Variants in CYTH3 observed in about 807,000 individuals in gnomAD.
CYTH3 encodes the protein cytohesin 3, also known as cytohesin-3.
A neutral mutation model predicts 55.1 loss-of-function variants in CYTH3; 23 were observed. The ratio of observed to expected loss-of-function variants is 0.42; its 90% CI spans 0.30 to 0.59. CYTH3 has a LOEUF of 0.59. Ranked by LOEUF, CYTH3 falls within the 20% of genes least tolerant of loss-of-function variation. The probability of loss-of-function intolerance (pLI) is 0.20; values close to 1 mark genes in which losing one functional copy is unlikely to be tolerated. For missense variants in CYTH3, 413 were observed against 524.8 expected, an observed-to-expected ratio of 0.79 and a Z score of 2.08; for synonymous variants, 249 against 194.9, an observed-to-expected ratio of 1.28 and a Z score of -2.31.
intron 1 of CYTH3, among the ~76,000 whole-genome samples, chr7:6,263,907 C>A (rs1362629861): frequency 6.6e-6 from 1 of 152,092 alleles, no homozygotes; most frequent in Non-Finnish European, 1.5e-5. Flanking sequence ...CTAATGCAAG[C>A]TGCAGAAGAT....
At chr7:6,246,093 A>C (rs551549629) in intron 1 of CYTH3, among the ~76,000 whole-genome samples, 1 of 151,882 alleles carries the variant, frequency 6.6e-6, no homozygotes, top group East Asian at 1.9e-4. Context: ...TTTTTTTTTA[A>C]CTTTTTTGAG....
intron 1 of CYTH3, among the ~76,000 whole-genome samples, chr7:6,259,772 T>TA (rs1491219669): frequency 0.019 from 566 of 30,404 alleles, 12 homozygotes; most frequent in Admixed American, 0.022. Context: ...TATATATATA[T>TA]TATATATATA....
intron 1 of CYTH3, among the ~76,000 whole-genome samples, chr7:6,219,003 CAAAAAAAA>C (rs35386425): frequency 4.0e-5 from 3 of 74,318 alleles, no homozygotes; most frequent in African/African-American, 5.2e-5. Context: ...GACTCCGTCT[CAAAAAAAA>C]AAAAAAAAAA....
At chr7:6,250,048 C>T (rs1287437003) in intron 1 of CYTH3, among the ~76,000 whole-genome samples, 4 of 152,100 alleles carry the variant, frequency 2.6e-5, no homozygotes, top group South Asian at 4.1e-4. Context: ...TGTCATTTGT[C>T]GAGATTTTGG....
chr7:6,229,779 TGCACTCCA>T (rs1779343010), intron 1 of CYTH3, among the ~76,000 whole-genome samples: 1 of 148,128 alleles, frequency 6.8e-6, no homozygotes, highest in Non-Finnish European at 1.5e-5. Context: ...ATCACACCAC[TGCACTCCA>T]GCCTGGGCAA....
intron 1 of CYTH3, among the ~76,000 whole-genome samples, chr7:6,216,104 C>T (rs1432418462): frequency 6.6e-6 from 1 of 152,160 alleles, no homozygotes; most frequent in African/African-American, 2.4e-5. Flanking sequence ...TATTAGAAAA[C>T]AATAACAAAA....
intron 1 of CYTH3, among the ~76,000 whole-genome samples, chr7:6,259,784 AAT>A (rs71523777): frequency 0.014 from 298 of 20,896 alleles, 2 homozygotes; most frequent in African/African-American, 0.018. Flanking sequence ...ATATATATAT[AAT>A]ATATATATAT....
chr7:6,246,407 AAATACCATAGAATTTT>A (rs1458104102), intron 1 of CYTH3, among the ~76,000 whole-genome samples: 1 of 152,146 alleles, frequency 6.6e-6, no homozygotes, highest in African/African-American at 2.4e-5. Flanking sequence ...TTACAAAACC[AAATACCATAGAATTTT>A]TGCGTGACAT....
intron 1 of CYTH3, among the ~76,000 whole-genome samples, chr7:6,212,252 T>A (rs1214469218): frequency 6.6e-6 from 1 of 152,182 alleles, no homozygotes; most frequent in Non-Finnish European, 1.5e-5. Context: ...TGCCTTTGCC[T>A]CCCAAGTAAT....
chr7:6,228,660 T>A (rs117609399), intron 1 of CYTH3, among the ~76,000 whole-genome samples: 5,107 of 152,292 alleles, frequency 0.034, 129 homozygotes, highest in Middle Eastern at 0.068. Flanking sequence ...CTTCTGGAAA[T>A]CCGGGCTGCC....
Position 6,167,543 on chromosome 7 carries a change from G to A in CYTH3, c.824-1733C>T, listed in dbSNP as rs1004502316. Among the ~76,000 whole-genome samples, 4 of 152,230 alleles carry A rather than the reference G, an allele frequency of 2.6e-5. No individual in the cohort carries two copies. The highest frequency in any genetic ancestry group is 4.4e-5 in the Non-Finnish European group (3 of 68,034). On this transcript the variant is annotated intron_variant, in intron 9 of 12. Transcript: ENST00000350796. The surrounding 1 kb of genome is among the most constrained non-coding windows in gnomAD (Gnocchi z 5.5). Reference sequence around the variant, plus strand: ...TGCCAGCTGCCATCCCCCAAACAGCGGCCAAAGGCATCTTTTCAAAAACGT... The same window carrying A: ...TGCCAGCTGCCATCCCCCAAACAGCAGCCAAAGGCATCTTTTCAAAAACGT...
intron 1 of CYTH3, among the ~76,000 whole-genome samples, chr7:6,232,050 CTT>C (rs1489063451): frequency 6.6e-6 from 1 of 152,204 alleles, no homozygotes; most frequent in Non-Finnish European, 1.5e-5. Flanking sequence ...ACCCTCAAGA[CTT>C]TGCTTCCCTC....
intron 1 of CYTH3, among the ~76,000 whole-genome samples, chr7:6,217,133 G>T (rs139819234): frequency 0.023 from 3,436 of 152,164 alleles, 130 homozygotes; most frequent in African/African-American, 0.078. Flanking sequence ...GGCTGGTCTC[G>T]AACTCCTAAC....
chr7:6,269,711 C>G (rs117016448), intron 1 of CYTH3, among the ~76,000 whole-genome samples: 1 of 152,150 alleles, frequency 6.6e-6, no homozygotes, highest in Non-Finnish European at 1.5e-5. Flanking sequence ...TTGTGCCCCC[C>G]ACTCGCTCCT....
At chr7:6,208,913 G>C (rs895380680) in intron 1 of CYTH3, among the ~76,000 whole-genome samples, 3 of 152,196 alleles carry the variant, frequency 2.0e-5, no homozygotes, top group Admixed American at 6.6e-5. Context: ...GTCTAAAATA[G>C]AGTTCCTAGA....
chr7:6,247,182 T>G (rs1779841925), intron 1 of CYTH3, among the ~76,000 whole-genome samples: 1 of 152,254 alleles, frequency 6.6e-6, no homozygotes, highest in Non-Finnish European at 1.5e-5. Flanking sequence ...TTAACAACAA[T>G]TAGTGTGACT....
At chr7:6,185,307 T>A (rs965909033) in intron 4 of CYTH3, among the ~76,000 whole-genome samples, 1 of 152,166 alleles carries the variant, frequency 6.6e-6, no homozygotes, top group South Asian at 2.1e-4. Context: ...AGACATGGCC[T>A]GGCGCAGTGG....
chr7:6,186,984 G>A, intron 4 of CYTH3, 66 bp downstream of exon 4: 4 of 1,526,490 alleles, frequency 2.6e-6, no homozygotes, highest in Non-Finnish European at 3.6e-6. Flanking sequence ...TGTCCAAAAG[G>A]GAAACGGCAG....
At position 6,164,597 on chromosome 7, in the gene CYTH3, G is replaced by T. The variant is rs1246795694; in HGVS notation, c.*347C>A. The T allele has an allele frequency of 1.2e-5, 4 of 326,834 alleles. No individual in the cohort carries two copies. The Admixed American group carries it at 1.8e-4, about 15-fold the overall frequency. 20.2% of individuals were successfully genotyped at this position (326,834 alleles called of 1,614,324 possible). A position where few individuals can be genotyped will look rare whatever the true frequency, so the allele number is the denominator to read the frequency against. ...CGTGTCTGCTGTGGAGACAGCGGAA[G>T]CTGCTGTCCTGGCTTCTCCCCCTAG... is the stretch of plus-strand genomic sequence containing the variant. On this transcript the variant is annotated 3_prime_UTR_variant, in exon 13 of 13. Transcript: ENST00000350796.
Sources: gnomAD v4.1 joint callset for allele counts (sites outside exome capture counted in the v4.1 genomes callset) on GRCh38, gnomAD v4.1.1 for gene constraint, Gnocchi (gnomAD v3.1) non-coding constraint, MANE v1.5 for transcripts, NCBI Gene and HGNC (gene_info 2026-07-23, HGNC 2026-07-21) for gene names.